CSGALNACT1: variants seen among roughly 807,000 people sequenced by gnomAD.
CSGALNACT1 encodes the protein chondroitin sulfate N-acetylgalactosaminyltransferase 1, also known as beta4GalNAcT-1.
A neutral mutation model predicts 51.0 loss-of-function variants in CSGALNACT1; 52 were observed. The ratio of observed to expected loss-of-function variants is 1.02; its 90% confidence interval spans 0.82 to 1.29. The LOEUF is 1.29. CSGALNACT1 is among the 50% of genes most tolerant of loss of function. The pLI, the probability that CSGALNACT1 is intolerant of heterozygous loss-of-function variation, is 0.00. For synonymous variants in CSGALNACT1, 341 were observed against 254.4 expected (o/e 1.34, Z -3.24); for missense variants, 935 against 679.2 (o/e 1.38, Z -4.19).
chr8:19,652,285 A>G (rs1726169653), intron 1 of CSGALNACT1, among the ~76,000 whole-genome samples: 2 of 152,114 alleles, frequency 1.3e-5, no homozygotes, highest in Admixed American at 6.5e-5. Flanking sequence ...TCTCACTGGT[A>G]TGAGGTTGAT....
chr8:19,704,819 A>T (rs928784352), intron 1 of CSGALNACT1, among the ~76,000 whole-genome samples: 1 of 152,228 alleles, frequency 6.6e-6, no homozygotes, highest in African/African-American at 2.4e-5. Context: ...GGAGGACATT[A>T]TGCTAAGTGA....
intron 1 of CSGALNACT1, among the ~76,000 whole-genome samples, chr8:19,659,785 G>C (rs2058607603): frequency 6.6e-6 from 1 of 152,176 alleles, no homozygotes. Flanking sequence ...TCAGAGCACT[G>C]TCTGCCCAGA....
intron 1 of CSGALNACT1, chr8:19,689,022 G>A (rs538357853): frequency 6.6e-6 from 1 of 152,306 alleles, no homozygotes; most frequent in African/African-American, 2.4e-5. Context: ...CCACAGTTTG[G>A]CTAGGGTAAA....
At chr8:19,437,142 A>G (rs2060506437) in intron 6 of CSGALNACT1, among the ~76,000 whole-genome samples, 1 of 152,132 alleles carries the variant, frequency 6.6e-6, no homozygotes, top group Non-Finnish European at 1.5e-5. Context: ...TGCCAGATTT[A>G]GAGGTGCAGA....
intron 1 of CSGALNACT1, among the ~76,000 whole-genome samples, chr8:19,647,798 A>G (rs1233273167): frequency 6.6e-6 from 1 of 152,218 alleles, no homozygotes; most frequent in Admixed American, 6.5e-5. Flanking sequence ...ATATTATATT[A>G]TCATTTGAAA....
At chr8:19,735,657 A>T (rs955767581) in intron 1 of CSGALNACT1, among the ~76,000 whole-genome samples, 2 of 152,198 alleles carry the variant, frequency 1.3e-5, no homozygotes, top group African/African-American at 2.4e-5. Context: ...GACTTAAAAA[A>T]ATAAAATTTT....
intron 1 of CSGALNACT1, among the ~76,000 whole-genome samples, chr8:19,647,061 A>G (rs892709678): frequency 6.6e-6 from 1 of 152,002 alleles, no homozygotes; most frequent in Non-Finnish European, 1.5e-5. Flanking sequence ...GGTCCCCTAA[A>G]TAAGAAGCCC....
At chr8:19,535,479 G>C (rs567165130) in intron 3 of CSGALNACT1, among the ~76,000 whole-genome samples, 8 of 152,128 alleles carry the variant, frequency 5.3e-5, no homozygotes, top group African/African-American at 1.7e-4. Context: ...CTGACTGGAG[G>C]GTTTAGACAA....
At chr8:19,533,307 A>G (rs2083141451) in intron 3 of CSGALNACT1, among the ~76,000 whole-genome samples, 1 of 151,998 alleles carries the variant, frequency 6.6e-6, no homozygotes, top group African/African-American at 2.4e-5. Context: ...ATTTTTATAG[A>G]GATGGGGTCT....
intron 4 of CSGALNACT1, among the ~76,000 whole-genome samples, chr8:19,495,690 C>A (rs988982140): frequency 7.9e-5 from 12 of 152,086 alleles, no homozygotes; most frequent in African/African-American, 2.9e-4. Context: ...AGGAAGTCTG[C>A]CAGAAAAAGA....
At chr8:19,513,896 T>C (rs1018302361) in intron 3 of CSGALNACT1, among the ~76,000 whole-genome samples, 2 of 152,146 alleles carry the variant, frequency 1.3e-5, no homozygotes, top group African/African-American at 4.8e-5. Context: ...ACTGACAAAA[T>C]GTTACACATC....
intron 1 of CSGALNACT1, among the ~76,000 whole-genome samples, chr8:19,610,822 T>C (rs2052145637): frequency 6.6e-6 from 1 of 152,238 alleles, no homozygotes; most frequent in Admixed American, 6.5e-5. Context: ...GAAAGCCCTC[T>C]GTCCTTGAGA....
intron 1 of CSGALNACT1, among the ~76,000 whole-genome samples, chr8:19,665,761 TCATAATAGAAG>T (rs2059129300): frequency 6.6e-6 from 1 of 152,140 alleles, no homozygotes; most frequent in East Asian, 1.9e-4. Context: ...CTCTCTTAAT[TCATAATAGAAG>T]GGTTTGGTTA....
intron 2 of CSGALNACT1, among the ~76,000 whole-genome samples, chr8:19,591,994 C>T (rs375605013): frequency 7.0e-4 from 107 of 152,132 alleles, no homozygotes; most frequent in African/African-American, 2.5e-3. Flanking sequence ...AATTCCTGTT[C>T]AGCATGTATA....
At chr8:19,687,252 A>T (rs908098176), upstream of CSGALNACT1, among the ~76,000 whole-genome samples, 1 of 152,084 alleles carries the variant, frequency 6.6e-6, no homozygotes, top group Non-Finnish European at 1.5e-5. Context: ...CAAATTCCTC[A>T]GCAAGACATT....
chr8:19,477,593 T>C lies in CSGALNACT1; in HGVS notation c.635-18951A>G, dbSNP rs527763618. On this transcript the variant is annotated intron_variant, in intron 4 of 9. Transcript: ENST00000454498. ...CTTGGGAGACATAAACTCTAACTTATTAGTAATTATCTTAAAACTAAATGG... is the reference window on the plus strand; with the variant it reads ...CTTGGGAGACATAAACTCTAACTTACTAGTAATTATCTTAAAACTAAATGG... Among the ~76,000 whole-genome samples, 74 of 152,304 alleles carry C rather than the reference T, an allele frequency of 4.9e-4. No homozygotes were observed. In the South Asian group the frequency reaches 0.015, roughly 31 times the overall value.
At chr8:19,446,251 G>T (rs137953067) in intron 5 of CSGALNACT1, among the ~76,000 whole-genome samples, 1 of 152,248 alleles carries the variant, frequency 6.6e-6, no homozygotes, top group Non-Finnish European at 1.5e-5. Flanking sequence ...TCAAACTCCG[G>T]GCTTTGCACG....
At chr8:19,452,861 C>A (rs573417039) in intron 5 of CSGALNACT1, among the ~76,000 whole-genome samples, 1 of 152,136 alleles carries the variant, frequency 6.6e-6, no homozygotes, top group South Asian at 2.1e-4. Context: ...GGAACTTCAA[C>A]AAAGGCTGCA....
intron 1 of CSGALNACT1, among the ~76,000 whole-genome samples, chr8:19,693,645 T>G (rs1484427504): frequency 6.6e-6 from 1 of 152,120 alleles, no homozygotes; most frequent in Non-Finnish European, 1.5e-5. Flanking sequence ...CCTGTTCACA[T>G]ACAGAGCTTT....
Sources: gnomAD v4.1 joint callset for allele counts (sites outside exome capture counted in the v4.1 genomes callset) on GRCh38, gnomAD v4.1.1 for gene constraint, MANE v1.5 for transcripts, NCBI Gene and HGNC (gene_info 2026-07-23, HGNC 2026-07-21) for gene names.